ME3: variants seen among roughly 807,000 people sequenced by gnomAD.
The protein encoded by ME3 is NADP-dependent malic enzyme, mitochondrial.
In ME3, 48 loss-of-function variants were observed where a neutral mutation model predicts 68.9. The observed-to-expected ratio is 0.70, with a 90% CI of 0.55 to 0.89. ME3 has a LOEUF of 0.89. ME3 is among the 40% of genes least tolerant of loss of function. The pLI, the probability that ME3 is intolerant of heterozygous loss-of-function variation, is 0.00. For missense variants in ME3, 675 were observed against 797.4 expected (o/e 0.85, Z 1.85); for synonymous variants, 320 against 318.8 (o/e 1.00, Z -0.04).
intron 2 of ME3, among the ~76,000 whole-genome samples, chr11:86,665,377 T>C (rs945932951): frequency 1.3e-5 from 2 of 151,878 alleles, no homozygotes; most frequent in African/African-American, 4.8e-5. Context: ...AGTGAGAAAC[T>C]TTGAAAAAGG....
intron 2 of ME3, among the ~76,000 whole-genome samples, chr11:86,605,729 A>AT (rs1961530732): frequency 6.6e-6 from 1 of 152,120 alleles, no homozygotes; most frequent in African/African-American, 2.4e-5. Flanking sequence ...TTTAAAATAG[A>AT]TTTTTTAAAA....
chr11:86,487,363 A>T lies in ME3; in HGVS notation c.783T>A (p.Asp261Glu), dbSNP rs535229021. ...TGTCTGTCACAGCCTGCATGAACTC[A>T]TCCAGCAAGTCATCGTATGCCTTCC... The change falls in exon 7 of 15, where the codon GAT becomes GAA. Residue 261 changes from aspartate to glutamate, a missense_variant. Coordinates refer to ENST00000543262, the Ensembl canonical transcript of ME3. 2.2e-5 allele frequency: 36 copies of T among 1,614,136 alleles called. 2 individuals are homozygous for T. The South Asian group carries it at 4.0e-4, about 18-fold the overall frequency.
chr11:86,441,534 T>G, intron 14 of ME3, 94 bp from the exon 15 acceptor site: 9 of 1,230,120 alleles, frequency 7.3e-6, no homozygotes, highest in Non-Finnish European at 7.8e-6. Context: ...GAATACACCT[T>G]AAGGAACCAG....
intron 13 of ME3, among the ~76,000 whole-genome samples, chr11:86,443,304 A>G (rs1949110651): frequency 6.6e-6 from 1 of 152,164 alleles, no homozygotes; most frequent in Admixed American, 6.5e-5. Flanking sequence ...GCTTGGTACC[A>G]TCTTGAGTGA....
intron 2 of ME3, among the ~76,000 whole-genome samples, chr11:86,655,871 G>C (rs1291699459): frequency 6.6e-6 from 1 of 151,936 alleles, no homozygotes; most frequent in Non-Finnish European, 1.5e-5. Context: ...CTAATATCCG[G>C]AATCTACAAA....
At chr11:86,531,584 G>A (rs1194381103) in intron 4 of ME3, among the ~76,000 whole-genome samples, 1 of 152,172 alleles carries the variant, frequency 6.6e-6, no homozygotes, top group Non-Finnish European at 1.5e-5. Context: ...GAATAGCAAA[G>A]ACTTGGAACC....
chr11:86,658,491 T>C (rs1215037880), intron 2 of ME3, among the ~76,000 whole-genome samples: 1 of 151,778 alleles, frequency 6.6e-6, no homozygotes, highest in African/African-American at 2.4e-5. Context: ...ACAGTAGGCA[T>C]TATATGTGAT....
intron 2 of ME3, among the ~76,000 whole-genome samples, chr11:86,636,272 T>C (rs564834543): frequency 1.3e-5 from 2 of 151,996 alleles, no homozygotes; most frequent in African/African-American, 4.8e-5. Context: ...TCTTTTTTTT[T>C]TTGTTTGTTT....
chr11:86,547,397 G>C (rs756533108), intron 4 of ME3, among the ~76,000 whole-genome samples: 6 of 151,096 alleles, frequency 4.0e-5, no homozygotes, highest in Non-Finnish European at 5.9e-5. Context: ...ACCAAACACT[G>C]CATGTTCTCA....
chr11:86,570,545 A>C (rs1404566243), intron 2 of ME3, among the ~76,000 whole-genome samples: 1 of 152,158 alleles, frequency 6.6e-6, no homozygotes, highest in Admixed American at 6.5e-5. Flanking sequence ...GAAACACAGC[A>C]TTGGGAAGTC....
chr11:86,447,241 C>T, intron 11 of ME3, 34 bp from the exon 12 acceptor site: 2 of 1,608,588 alleles, frequency 1.2e-6, no homozygotes, highest in South Asian at 1.1e-5. Context: ...GGGATGCCTG[C>T]TCTCTATAAA....
At chr11:86,671,551 C>G (rs1274792528) in intron 2 of ME3, among the ~76,000 whole-genome samples, 1 of 152,232 alleles carries the variant, frequency 6.6e-6, no homozygotes, top group Non-Finnish European at 1.5e-5. Context: ...AAATTAGGCT[C>G]CCTGCATTAC....
intron 2 of ME3, among the ~76,000 whole-genome samples, chr11:86,654,359 C>A (rs1184088510): frequency 6.6e-6 from 1 of 152,184 alleles, no homozygotes; most frequent in African/African-American, 2.4e-5. Context: ...AAAATACTGG[C>A]AAACTGAATC....
intron 7 of ME3, among the ~76,000 whole-genome samples, chr11:86,475,874 T>TATATATATATATATATATATATATATAG: frequency 1.1e-5 from 1 of 91,474 alleles, no homozygotes; most frequent in African/African-American, 5.0e-5. Context: ...TATATATATA[T>TATATATATATATATATATATATATATAG]AGAGAGAGAG....
In ME3 at chr11:86,526,907, G is replaced by A. The variant is rs565348061; in HGVS notation, c.468-18040C>T. Among the ~76,000 whole-genome samples, 57 of 152,286 alleles carry A rather than the reference G, an allele frequency of 3.7e-4. 2 individuals are homozygous for A. The Middle Eastern group carries it at 0.034, about 91-fold the overall frequency. ...GACCAAAGGTAGATAAAACCACAAA[G>A]ATGGGGAAAAAACAGAGCAGAAAAA... On this transcript the variant is annotated intron_variant, in intron 4 of 14. Coordinates refer to ENST00000543262, the Ensembl canonical transcript of ME3.
chr11:86,442,149 A>G (rs894028272), intron 14 of ME3, among the ~76,000 whole-genome samples: 2 of 152,216 alleles, frequency 1.3e-5, no homozygotes, highest in Non-Finnish European at 1.5e-5. Flanking sequence ...AGCTTTAACA[A>G]TTATCAATGT....
intron 8 of ME3, chr11:86,457,391 C>G (rs996892690): frequency 1.7e-6 from 1 of 584,376 alleles, no homozygotes; most frequent in African/African-American, 2.0e-5. Flanking sequence ...CCAAGTACCT[C>G]CAGGTGGCCA....
At chr11:86,671,686 G>C (rs1257340743) in intron 2 of ME3, 76 bp downstream of exon 2, 1 of 1,549,242 alleles carries the variant, frequency 6.5e-7, no homozygotes, top group East Asian at 2.5e-5. Context: ...ATCCTTTCTG[G>C]GTCCAGGGGG....
intron 2 of ME3, among the ~76,000 whole-genome samples, chr11:86,584,115 A>G (rs752298649): frequency 3.3e-5 from 5 of 152,210 alleles, no homozygotes; most frequent in Admixed American, 6.5e-5. Context: ...TTACAACTCA[A>G]TGGCAACCCC....
Sources: allele counts gnomAD v4.1 joint callset (sites outside exome capture counted in the v4.1 genomes callset), GRCh38; gene constraint gnomAD v4.1.1; transcripts MANE v1.5; gene names NCBI Gene and HGNC (gene_info 2026-07-23, HGNC 2026-07-21).